CTNNA3: variants seen among roughly 807,000 people sequenced by gnomAD.
The protein encoded by CTNNA3 is catenin alpha-3.
Under a neutral mutation model 95.7 loss-of-function variants are expected in CTNNA3, and 76 were observed. The ratio of observed to expected loss-of-function variants is 0.79; its 90% CI spans 0.66 to 0.96. The LOEUF is 0.96. Among genes scored for constraint, CTNNA3 ranks in the 40% least tolerant of loss-of-function variants. The pLI, the probability that CTNNA3 is intolerant of heterozygous loss-of-function variation, is 0.00. For missense variants in CTNNA3, 1,191 were observed against 1,089.8 expected (o/e 1.09, Z -1.31); for synonymous variants, 431 against 374.4 (o/e 1.15, Z -1.74).
At chr10:66,151,403 T>C (rs1213638012) in intron 13 of CTNNA3, among the ~76,000 whole-genome samples, 3 of 151,966 alleles carry the variant, frequency 2.0e-5, no homozygotes, top group Non-Finnish European at 4.4e-5. Flanking sequence ...GTGCAAATAT[T>C]AGGAGTTATA....
chr10:67,285,217 C>T (rs1184924056), intron 5 of CTNNA3, among the ~76,000 whole-genome samples: 1 of 152,158 alleles, frequency 6.6e-6, no homozygotes, highest in Non-Finnish European at 1.5e-5. Context: ...AGAAATTAGA[C>T]ATTTAGAAGT....
chr10:67,060,666 G>GTCTC (rs141445121), intron 7 of CTNNA3, among the ~76,000 whole-genome samples: 4 of 150,408 alleles, frequency 2.7e-5, no homozygotes, highest in African/African-American at 7.3e-5. Flanking sequence ...ATGGGTTCCT[G>GTCTC]TCTCTCTCTC....
chr10:66,055,638 A>C (rs1014117663), intron 15 of CTNNA3, among the ~76,000 whole-genome samples: 1 of 152,076 alleles, frequency 6.6e-6, no homozygotes, highest in South Asian at 2.1e-4. Flanking sequence ...TAAGATAAAA[A>C]ATCGGCCGGG....
In CTNNA3 at chr10:66,010,269, T is replaced by A. The variant is rs1462740901; in HGVS notation, c.2160-21472A>T. 2.6e-5 allele frequency among the ~76,000 whole-genome samples: 4 copies of A among 152,162 alleles called. No homozygotes were observed. The East Asian group carries it at 7.7e-4, about 29-fold the overall frequency. On this transcript the variant is annotated intron_variant, in intron 15 of 17. Transcript: ENST00000433211. ...AACTGTCAATGACCATAAGGACATA[T>A]TTTTATTGCTCCTCATTTCAGATGC...
intron 11 of CTNNA3, among the ~76,000 whole-genome samples, chr10:66,498,401 A>G (rs1840168767): frequency 6.6e-6 from 1 of 152,158 alleles, no homozygotes; most frequent in Non-Finnish European, 1.5e-5. Context: ...GGTTATATTA[A>G]CAGTGTGGCA....
In CTNNA3 at chr10:66,064,399, A is replaced by C. The variant is rs560622832; in HGVS notation, c.2159+4909T>G. On this transcript the variant is annotated intron_variant, in intron 15 of 17. Transcript: ENST00000433211. ...TACCAAGCCTTCTTTGAATGTGTCA[A>C]CACCTTTTCTAATTTCCTTGGTGAT... Among the ~76,000 whole-genome samples, 4 of 152,272 alleles carry C rather than the reference A, an allele frequency of 2.6e-5. No homozygotes were observed. In the South Asian group the frequency reaches 8.3e-4, roughly 32 times the overall value.
chr10:66,095,298 G>T (rs1378891111), intron 14 of CTNNA3, among the ~76,000 whole-genome samples: 2 of 152,008 alleles, frequency 1.3e-5, no homozygotes, highest in African/African-American at 2.4e-5. Flanking sequence ...ATATGAAAAA[G>T]ATCACCCAGA....
chr10:66,334,562 C>T (rs1274604725), intron 12 of CTNNA3, among the ~76,000 whole-genome samples: 1 of 152,038 alleles, frequency 6.6e-6, no homozygotes, highest in Non-Finnish European at 1.5e-5. Context: ...ATATTGGCCC[C>T]CACTCTCTTC....
At chr10:66,377,600 T>G (rs2092804984) in intron 12 of CTNNA3, among the ~76,000 whole-genome samples, 1 of 152,040 alleles carries the variant, frequency 6.6e-6, no homozygotes, top group South Asian at 2.1e-4. Flanking sequence ...AGGCAAAATA[T>G]TAGTCCTCCT....
At chr10:67,183,909 C>A (rs933217570) in intron 6 of CTNNA3, among the ~76,000 whole-genome samples, 1 of 151,998 alleles carries the variant, frequency 6.6e-6, no homozygotes, top group Admixed American at 6.6e-5. Flanking sequence ...GTCTTTTTTA[C>A]ATTATTAACT....
chr10:67,679,311 G>A (rs1840585743), intron 1 of CTNNA3, among the ~76,000 whole-genome samples: 2 of 152,112 alleles, frequency 1.3e-5, no homozygotes, highest in Admixed American at 6.6e-5. Context: ...AGTTATGACA[G>A]CCAAAAATGT....
At chr10:66,706,061 T>C (rs781562792) in intron 9 of CTNNA3, among the ~76,000 whole-genome samples, 16 of 152,060 alleles carry the variant, frequency 1.1e-4, no homozygotes, top group Non-Finnish European at 2.2e-4. Flanking sequence ...GTTATGACAT[T>C]TTAAATTATT....
At chr10:67,461,163 T>A (rs769424553) in intron 5 of CTNNA3, among the ~76,000 whole-genome samples, 19 of 152,156 alleles carry the variant, frequency 1.2e-4, no homozygotes, top group Non-Finnish European at 2.6e-4. Context: ...TTCCTGAACA[T>A]TTGGCTTGGT....
At chr10:67,392,124 CA>C (rs1844521931) in intron 5 of CTNNA3, among the ~76,000 whole-genome samples, 1 of 152,090 alleles carries the variant, frequency 6.6e-6, no homozygotes, top group African/African-American at 2.4e-5. Flanking sequence ...AGGCAACCTA[CA>C]AAATGGGAGA....
At position 67,165,349 on chromosome 10, in the gene CTNNA3, C is replaced by T. The variant is rs147690125; in HGVS notation, c.1047+14968G>A. ...ATTTGCATTTGCCGAGGGTTAGGCA[C>T]GGGGCAGGGGCAGGTGGTAGGGGTA... On this transcript the variant is annotated intron_variant, in intron 7 of 17. Transcript: ENST00000433211. Among the ~76,000 whole-genome samples, 1,295 of 151,762 alleles carry T rather than the reference C, an allele frequency of 8.5e-3. 28 individuals are homozygous for T. Among genetic ancestry groups the T allele is most frequent in the African/African-American group, 0.029 (1,216 of 41,330 alleles).
At chr10:67,631,175 A>C (rs978144042) in intron 2 of CTNNA3, among the ~76,000 whole-genome samples, 5 of 152,226 alleles carry the variant, frequency 3.3e-5, no homozygotes, top group African/African-American at 1.2e-4. Flanking sequence ...CCATTGGAAG[A>C]ATTTATTACA....
intron 5 of CTNNA3, among the ~76,000 whole-genome samples, chr10:67,480,981 G>C (rs188863540): frequency 2.0e-5 from 3 of 152,294 alleles, no homozygotes; most frequent in Admixed American, 2.0e-4. Flanking sequence ...ACTAGGCCTA[G>C]TTTGTTAGGA....
At chr10:66,386,929 T>A (rs542569679) in intron 11 of CTNNA3, among the ~76,000 whole-genome samples, 5 of 152,300 alleles carry the variant, frequency 3.3e-5, no homozygotes, top group South Asian at 2.1e-4. Context: ...TCCTTACACC[T>A]TGTACAAAAA....
chr10:66,579,881 T>C (rs946516722), intron 10 of CTNNA3, among the ~76,000 whole-genome samples: 1 of 151,750 alleles, frequency 6.6e-6, no homozygotes, highest in African/African-American at 2.4e-5. Flanking sequence ...GAGAATGTGA[T>C]ATTTATTTCT....
Sources: gnomAD v4.1 joint callset for allele counts (sites outside exome capture counted in the v4.1 genomes callset) on GRCh38, gnomAD v4.1.1 for gene constraint, MANE v1.5 for transcripts, NCBI Gene and HGNC (gene_info 2026-07-23, HGNC 2026-07-21) for gene names.